The following ZC3H12C variants were observed in gnomAD, a reference collection of about 807,000 sequenced individuals.
The protein encoded by ZC3H12C is zinc finger CCCH-type containing 12C, also known as probable ribonuclease ZC3H12C.
Under a neutral mutation model 76.3 loss-of-function variants are expected in ZC3H12C, and 20 were observed. The ratio of observed to expected loss-of-function variants is 0.26; its 90% CI spans 0.18 to 0.38. The LOEUF is 0.38. Ranked by LOEUF, ZC3H12C falls within the 10% of genes least tolerant of loss-of-function variation. The probability of loss-of-function intolerance (pLI) is 1.00; values close to 1 mark genes in which losing one functional copy is unlikely to be tolerated. For missense variants in ZC3H12C, 874 were observed against 1,086.5 expected, an observed-to-expected ratio of 0.80 and a Z score of 2.75; for synonymous variants, 352 against 399.6, an observed-to-expected ratio of 0.88 and a Z score of 1.42.
At chr11:110,153,867 G>C (rs1862322177) in intron 3 of ZC3H12C, among the ~76,000 whole-genome samples, 1 of 152,208 alleles carries the variant, frequency 6.6e-6, no homozygotes, top group African/African-American at 2.4e-5. Flanking sequence ...ATGAGTTTCA[G>C]GCAATGATGT....
intron 2 of ZC3H12C, among the ~76,000 whole-genome samples, chr11:110,140,712 A>AT (rs2134180689): frequency 6.6e-6 from 1 of 152,270 alleles, no homozygotes; most frequent in Non-Finnish European, 1.5e-5. Flanking sequence ...GGTAGGCCTT[A>AT]TTTTTGCATG....
intron 1 of ZC3H12C, among the ~76,000 whole-genome samples, chr11:110,124,925 G>A (rs1193246097): frequency 6.6e-6 from 1 of 152,048 alleles, no homozygotes; most frequent in Non-Finnish European, 1.5e-5. Context: ...CTAAGCCTGG[G>A]GGAATAAATG....
chr11:110,142,192 G>C (rs1178603004), intron 2 of ZC3H12C, among the ~76,000 whole-genome samples: 1 of 152,138 alleles, frequency 6.6e-6, no homozygotes, highest in East Asian at 1.9e-4. Flanking sequence ...ACAGATATTA[G>C]AGTTATATTC....
In ZC3H12C at chr11:110,164,238, A is replaced by G. The variant is rs1486045752; in HGVS notation, c.1256-103A>G. On this transcript the variant is annotated intron_variant, in intron 5 of 5. Transcript: ENST00000278590. The surrounding 1 kb of genome is among the most constrained non-coding windows in gnomAD (Gnocchi z 5.7). ...CAGAGTGACACTTAGCACAGCTCCCATTTCTATCGTTGTCTCTTCTACAAG... is the reference window on the plus strand; with the variant it reads ...CAGAGTGACACTTAGCACAGCTCCCGTTTCTATCGTTGTCTCTTCTACAAG... The G allele has an allele frequency of 4.7e-6, 5 of 1,060,108 alleles. No individual in the cohort carries two copies. In the Admixed American group the frequency reaches 1.1e-4, roughly 24 times the overall value. 65.7% of individuals were successfully genotyped at this position (1,060,108 alleles called of 1,614,324 possible). A position where few individuals can be genotyped will look rare whatever the true frequency, so the allele number is the denominator to read the frequency against.
intron 4 of ZC3H12C, 68 bp downstream of exon 4, chr11:110,159,558 T>A: frequency 7.8e-7 from 1 of 1,277,710 alleles, no homozygotes; most frequent in South Asian, 1.3e-5. Context: ...TGGCAGCTGC[T>A]ACAGAATTCT....
chr11:110,136,546 G>A (rs1591475303), intron 1 of ZC3H12C, 117 bp from the exon 2 acceptor site: 1 of 1,141,916 alleles, frequency 8.8e-7, no homozygotes, highest in Admixed American at 2.5e-5. Context: ...GGGAGGAGAG[G>A]ATGTAGACAA....
intron 2 of ZC3H12C, among the ~76,000 whole-genome samples, chr11:110,144,840 T>C (rs1472171603): frequency 1.3e-5 from 2 of 152,200 alleles, no homozygotes; most frequent in Non-Finnish European, 2.9e-5. Context: ...ATTCTCTTTT[T>C]AGGTTTTTCC....
At chr11:110,139,286 C>T (rs1862026956) in intron 2 of ZC3H12C, among the ~76,000 whole-genome samples, 1 of 152,102 alleles carries the variant, frequency 6.6e-6, no homozygotes, top group Admixed American at 6.6e-5. Flanking sequence ...ACCTAAAAGC[C>T]TATATTCTTC....
rs569556371 is a variant in ZC3H12C, at chr11:110,112,674, G to A, written c.21+19242G>A. 2.6e-5 allele frequency among the ~76,000 whole-genome samples: 4 copies of A among 152,306 alleles called. No homozygotes were observed. The South Asian group carries it at 6.2e-4, about 24-fold the overall frequency. On this transcript the variant is annotated intron_variant, in intron 1 of 5. Transcript: ENST00000278590. ...TCTGATAACTGTCAGTTGCCTGCCA[G>A]AGGCCCTTTTCCTTGCCTTTCACTC...
rs1381512242 is a variant in ZC3H12C at position 110,164,679 on chromosome 11, C to A, written c.1594C>A (p.Pro532Thr). ...CATCCCAGCTACTTCTACTGCAAAA[C>A]CCCAAAGCACTACATCTTTAAGCAA... ...VSIPATSTAKPQSTTSLSNGL... is the reference protein window; with the variant it reads ...VSIPATSTAKTQSTTSLSNGL... Residue 532 changes from proline to threonine, a missense_variant, in exon 6 of 6, where the codon CCC becomes ACC. Transcript: ENST00000278590. This position sits in a 1 kb window ranked among gnomAD's most constrained non-coding sequence, Gnocchi z 5.7. 6 of 1,613,928 alleles carry A rather than the reference C, an allele frequency of 3.7e-6. No homozygotes were observed. Among genetic ancestry groups the A allele is most frequent in the Non-Finnish European group, 5.1e-6 (6 of 1,179,906 alleles).
intron 1 of ZC3H12C, among the ~76,000 whole-genome samples, chr11:110,097,208 C>A (rs576196865): frequency 6.6e-6 from 1 of 152,290 alleles, no homozygotes; most frequent in African/African-American, 2.4e-5. Flanking sequence ...AAACTAATTG[C>A]ACCTAAAGTA....
chr11:110,141,069 T>C (rs1416659736), intron 2 of ZC3H12C, among the ~76,000 whole-genome samples: 1 of 152,160 alleles, frequency 6.6e-6, no homozygotes, highest in Admixed American at 6.5e-5. Flanking sequence ...AGAAATAAAG[T>C]AACCATTTGC....
intron 2 of ZC3H12C, among the ~76,000 whole-genome samples, chr11:110,138,740 G>A (rs1054267545): frequency 6.6e-6 from 1 of 151,906 alleles, no homozygotes; most frequent in Non-Finnish European, 1.5e-5. Context: ...GTATTTTTTA[G>A]TAGAGCCTGG....
At chr11:110,127,225 T>C (rs565491205) in intron 1 of ZC3H12C, among the ~76,000 whole-genome samples, 1 of 152,354 alleles carries the variant, frequency 6.6e-6, no homozygotes, top group South Asian at 2.1e-4. Context: ...GTGCTCCCTA[T>C]ATCTACAGCA....
At position 110,170,696 on chromosome 11, in the gene ZC3H12C, C is replaced by T. The variant is rs907974868; in HGVS notation, c.*4959C>T. 1 of 152,198 alleles carries T rather than the reference C, an allele frequency of 6.6e-6. No individual in the cohort carries two copies. Among genetic ancestry groups the T allele is most frequent in the Non-Finnish European group, 1.5e-5 (1 of 68,030 alleles). 9.4% of individuals were successfully genotyped at this position (152,198 alleles called of 1,614,324 possible). ...TTGAATTCGTTGGAAGTACACGCTG[C>T]TGAGCATGTTTATTCACAGTGCTTT... On this transcript the variant is annotated 3_prime_UTR_variant, in exon 6 of 6. Coordinates refer to ENST00000278590, the MANE Select transcript of ZC3H12C (RefSeq NM_033390.2).
At chr11:110,127,044 T>G (rs1368575937) in intron 1 of ZC3H12C, among the ~76,000 whole-genome samples, 1 of 152,188 alleles carries the variant, frequency 6.6e-6, no homozygotes, top group Non-Finnish European at 1.5e-5. Context: ...AAATATGGGC[T>G]AATGTTGGGA....
At chr11:110,140,270 A>T (rs1343914399) in intron 2 of ZC3H12C, among the ~76,000 whole-genome samples, 1 of 152,204 alleles carries the variant, frequency 6.6e-6, no homozygotes. Context: ...AGCCTGGGCA[A>T]CAGAGACCCC....
At chr11:110,104,117 T>A (rs1000886806) in intron 1 of ZC3H12C, among the ~76,000 whole-genome samples, 1 of 151,756 alleles carries the variant, frequency 6.6e-6, no homozygotes, top group Admixed American at 6.6e-5. Context: ...CACTGCAACA[T>A]CTGCCTCCCG....
intron 1 of ZC3H12C, among the ~76,000 whole-genome samples, chr11:110,109,221 G>A (rs1004534162): frequency 5.3e-5 from 8 of 152,104 alleles, no homozygotes; most frequent in Non-Finnish European, 1.0e-4. Flanking sequence ...TAGATGCTTT[G>A]AGTTTTGTTA....
Sources: allele counts gnomAD v4.1 joint callset (sites outside exome capture counted in the v4.1 genomes callset), GRCh38; gene constraint gnomAD v4.1.1; non-coding constraint Gnocchi (gnomAD v3.1); transcripts MANE v1.5; gene names NCBI Gene and HGNC (gene_info 2026-07-23, HGNC 2026-07-21).